The following ELOVL5 variants were observed in gnomAD, a reference collection of about 807,000 sequenced individuals.
ELOVL5 encodes the protein ELOVL fatty acid elongase 5.
In ELOVL5, 8 loss-of-function variants were observed where a neutral mutation model predicts 38.6. That is an observed-to-expected ratio of 0.21 (90% confidence interval 0.12 to 0.37). The LOEUF is 0.37. ELOVL5 is among the 10% of genes least tolerant of loss of function. The probability of loss-of-function intolerance (pLI) is 1.00; values close to 1 mark genes in which losing one functional copy is unlikely to be tolerated. For missense variants in ELOVL5, 280 were observed against 367.8 expected, an observed-to-expected ratio of 0.76 and a Z score of 1.95; for synonymous variants, 127 against 133.7, an observed-to-expected ratio of 0.95 and a Z score of 0.34.
Position 53,268,893 on chromosome 6 carries a change from C to T in ELOVL5, c.*234G>A. ...AGTGTTGTATACTATAATAATACTC[C>T]CTTTCCACAGTCTAGCGCAGGGGTC... On this transcript the variant is annotated 3_prime_UTR_variant, in exon 8 of 8. Transcript: ENST00000304434. 2.4e-6 allele frequency: 1 copy of T among 411,020 alleles called. No homozygotes were observed. The highest frequency in any genetic ancestry group is 4.3e-6 in the Non-Finnish European group (1 of 230,218). The allele number at this position is 411,020 out of a possible 1,614,324, so 25.5% of individuals were successfully genotyped here. A position where few individuals can be genotyped will look rare whatever the true frequency, so the allele number is the denominator to read the frequency against.
chr6:53,328,197 G>A (rs6909377), intron 1 of ELOVL5, among the ~76,000 whole-genome samples: 2,239 of 152,244 alleles, frequency 0.015, 65 homozygotes, highest in African/African-American at 0.051. Flanking sequence ...AGCTATTTAA[G>A]TAAACTGAAA....
chr6:53,274,220 C>T (rs1766026218), intron 5 of ELOVL5, among the ~76,000 whole-genome samples: 1 of 144,716 alleles, frequency 6.9e-6, no homozygotes, highest in South Asian at 2.2e-4. Context: ...GTTAATCCAC[C>T]ATCATGAGCT....
At chr6:53,290,758 G>A (rs1228447873) in intron 3 of ELOVL5, among the ~76,000 whole-genome samples, 1 of 151,772 alleles carries the variant, frequency 6.6e-6, no homozygotes, top group African/African-American at 2.4e-5. Context: ...ACCACCACAC[G>A]TAGACAGGGA....
Position 53,267,890 on chromosome 6 carries a change from G to T in ELOVL5, c.*1237C>A, listed in dbSNP as rs1008030860. 16 of 152,208 alleles carry T rather than the reference G, an allele frequency of 1.1e-4. No homozygotes were observed. Among genetic ancestry groups the T allele is most frequent in the Admixed American group, 9.8e-4 (15 of 15,282 alleles). 9.4% of individuals were successfully genotyped at this position (152,208 alleles called of 1,614,324 possible). ...TACCTGTTTGACCACTGCCTCAAATGTGTGAGATGTGATTTTATGATAAGC... is the reference window on the plus strand; with the variant it reads ...TACCTGTTTGACCACTGCCTCAAATTTGTGAGATGTGATTTTATGATAAGC... On this transcript the variant is annotated 3_prime_UTR_variant, in exon 8 of 8. Transcript: ENST00000304434.
intron 1 of ELOVL5, among the ~76,000 whole-genome samples, chr6:53,316,237 AG>A (rs1381232181): frequency 6.6e-6 from 1 of 152,236 alleles, no homozygotes; most frequent in African/African-American, 2.4e-5. Flanking sequence ...ATCTGCCTTC[AG>A]AAAGGTCAAA....
At chr6:53,348,589 G>A (rs1029266475) in intron 1 of ELOVL5, among the ~76,000 whole-genome samples, 1 of 152,194 alleles carries the variant, frequency 6.6e-6, no homozygotes, top group Admixed American at 6.5e-5. Flanking sequence ...AGCCGCCCGC[G>A]CCCGCACCCG....
chr6:53,331,391 AGTT>A (rs536732421), intron 1 of ELOVL5, among the ~76,000 whole-genome samples: 237 of 152,330 alleles, frequency 1.6e-3, no homozygotes, highest in African/African-American at 5.6e-3. Context: ...CCAGTAACAT[AGTT>A]GTTTATTATC....
chr6:53,294,964 T>C (rs562915944), intron 2 of ELOVL5, among the ~76,000 whole-genome samples: 1 of 152,376 alleles, frequency 6.6e-6, no homozygotes, highest in South Asian at 2.1e-4. Flanking sequence ...CTATTATCAC[T>C]ATTATCATAG....
intron 1 of ELOVL5, among the ~76,000 whole-genome samples, chr6:53,322,977 C>A: frequency 6.6e-6 from 1 of 152,180 alleles, no homozygotes; most frequent in South Asian, 2.1e-4. Context: ...TAGTAGCTAA[C>A]ATTGAACACT....
At chr6:53,339,713 T>C (rs569149635) in intron 1 of ELOVL5, among the ~76,000 whole-genome samples, 2 of 152,360 alleles carry the variant, frequency 1.3e-5, no homozygotes, top group East Asian at 3.9e-4. Context: ...CATAAAATTA[T>C]GGACAGTACA....
Position 53,278,531 on chromosome 6 carries a change from C to G in ELOVL5, c.247-2275G>C, listed in dbSNP as rs532071481. Among the ~76,000 whole-genome samples the G allele has an allele frequency of 2.6e-5, 4 of 152,250 alleles. No homozygotes were observed. The South Asian group carries it at 8.3e-4, about 32-fold the overall frequency. ...AACCTAACGTTCCATTTGCCCTCTC[C>G]CCACCCATAAATGGGGCAGGGGAAT... On this transcript the variant is annotated intron_variant, in intron 3 of 7. Coordinates refer to ENST00000304434, the MANE Select transcript of ELOVL5 (RefSeq NM_021814.5).
At chr6:53,292,947 C>G (rs1766830350) in intron 2 of ELOVL5, among the ~76,000 whole-genome samples, 1 of 152,174 alleles carries the variant, frequency 6.6e-6, no homozygotes, top group Non-Finnish European at 1.5e-5. Flanking sequence ...GGAAGGGCCT[C>G]TCCTGCCCCT....
intron 1 of ELOVL5, among the ~76,000 whole-genome samples, chr6:53,303,595 C>A (rs1227969840): frequency 6.6e-6 from 1 of 152,218 alleles, no homozygotes; most frequent in Non-Finnish European, 1.5e-5. Context: ...AACTGGGGCA[C>A]TGATAGATTC....
At chr6:53,338,633 G>A (rs1056114727) in intron 1 of ELOVL5, among the ~76,000 whole-genome samples, 13 of 152,258 alleles carry the variant, frequency 8.5e-5, no homozygotes, top group African/African-American at 3.1e-4. Context: ...TAAAGCCTGA[G>A]CTTAAGCAGT....
intron 1 of ELOVL5, among the ~76,000 whole-genome samples, chr6:53,314,479 C>T (rs985815852): frequency 2.6e-5 from 4 of 152,152 alleles, no homozygotes; most frequent in African/African-American, 9.7e-5. Context: ...AGAAGTCAAT[C>T]ATATGAAAAT....
intron 1 of ELOVL5, among the ~76,000 whole-genome samples, chr6:53,308,183 C>A (rs1767678312): frequency 6.6e-6 from 1 of 152,018 alleles, no homozygotes; most frequent in African/African-American, 2.4e-5. Context: ...GTAATTAAGA[C>A]CTAGATGGGA....
chr6:53,319,054 C>T (rs369497007), intron 1 of ELOVL5, among the ~76,000 whole-genome samples: 8 of 151,714 alleles, frequency 5.3e-5, no homozygotes, highest in South Asian at 4.2e-4. Flanking sequence ...GAGGCAGAGG[C>T]GGGCAGATCA....
intron 3 of ELOVL5, among the ~76,000 whole-genome samples, chr6:53,289,336 CT>C (rs1766687250): frequency 6.6e-6 from 1 of 152,216 alleles, no homozygotes; most frequent in African/African-American, 2.4e-5. Flanking sequence ...CCCCATGGGG[CT>C]TCATGATCTC....
intron 2 of ELOVL5, chr6:53,294,547 A>G: frequency 1.3e-6 from 2 of 1,484,042 alleles, no homozygotes; most frequent in South Asian, 1.3e-5. Context: ...TACATCATAC[A>G]GTCCCTGAAA....
Sources: allele counts gnomAD v4.1 joint callset (sites outside exome capture counted in the v4.1 genomes callset), GRCh38; gene constraint gnomAD v4.1.1; transcripts MANE v1.5; gene names NCBI Gene and HGNC (gene_info 2026-07-23, HGNC 2026-07-21).